HERPUD2: variants seen among roughly 807,000 people sequenced by gnomAD.
HERPUD2 encodes HERPUD family member 2.
Under a neutral mutation model 49.9 loss-of-function variants are expected in HERPUD2, and 13 were observed. The observed-to-expected ratio is 0.26, with a 90% CI of 0.17 to 0.41. The LOEUF (loss-of-function observed/expected upper bound fraction) is 0.41, where lower values mean the gene tolerates loss of function less well. HERPUD2 is among the 10% of genes least tolerant of loss of function. HERPUD2 has a pLI of 1.00. For synonymous variants in HERPUD2, 172 were observed against 171.4 expected, an observed-to-expected ratio of 1.00 and a Z score of -0.03; for missense variants, 449 against 492.2, an observed-to-expected ratio of 0.91 and a Z score of 0.83.
chr7:35,654,931 T>G (rs1047706516), intron 5 of HERPUD2, among the ~76,000 whole-genome samples: 8 of 152,304 alleles, frequency 5.3e-5, no homozygotes, highest in African/African-American at 1.9e-4. Flanking sequence ...CTCAGCTCAC[T>G]GCAACATCCA....
At chr7:35,672,445 ATTT>A (rs886564507) in intron 3 of HERPUD2, among the ~76,000 whole-genome samples, 2 of 152,010 alleles carry the variant, frequency 1.3e-5, no homozygotes, top group Non-Finnish European at 2.9e-5. Context: ...ATACTAATAT[ATTT>A]TTTTAAAGTT....
At chr7:35,634,650 CTATGTTAGT>C (rs1372519834) in intron 7 of HERPUD2, among the ~76,000 whole-genome samples, 2 of 152,122 alleles carry the variant, frequency 1.3e-5, no homozygotes, top group East Asian at 3.8e-4. Context: ...TCCACTGGCT[CTATGTTAGT>C]TATTAAAACA....
At chr7:35,650,131 C>G (rs1465742096) in intron 5 of HERPUD2, among the ~76,000 whole-genome samples, 2 of 152,080 alleles carry the variant, frequency 1.3e-5, no homozygotes, top group African/African-American at 4.8e-5. Context: ...TGATACTCAC[C>G]TCCTCCACAA....
intron 5 of HERPUD2, among the ~76,000 whole-genome samples, chr7:35,644,697 G>A (rs1256237404): frequency 6.6e-6 from 1 of 152,140 alleles, no homozygotes; most frequent in African/African-American, 2.4e-5. Flanking sequence ...AACCCAGGAG[G>A]CAGAGGTTCC....
intron 2 of HERPUD2, among the ~76,000 whole-genome samples, chr7:35,691,454 G>C (rs191239452): frequency 1.3e-5 from 2 of 152,130 alleles, no homozygotes; most frequent in African/African-American, 4.8e-5. Flanking sequence ...CTGCCCACAG[G>C]AACAAAGTCC....
intron 5 of HERPUD2, among the ~76,000 whole-genome samples, chr7:35,644,908 T>C (rs1214548177): frequency 2.6e-5 from 4 of 152,188 alleles, no homozygotes; most frequent in Non-Finnish European, 5.9e-5. Context: ...ATATTGAAGA[T>C]TTTTAAATTT....
In HERPUD2 at chr7:35,673,220, A is replaced by C; in HGVS notation, c.206T>G (p.Leu69Arg). The change falls in exon 3 of 9, where the codon CTG becomes CGG. Residue 69 changes from leucine (L) to arginine (R), a missense_variant. By Grantham distance (102) the Leu-to-Arg change is moderately radical (BLOSUM62 -2). Coordinates refer to ENST00000311350, the MANE Select transcript of HERPUD2 (RefSeq NM_022373.5). ...SGRLLPDHLQ[L>R]KDILRKQDEY... ...GCTTACTTTTCTGAGAATGTCTTTCAGCTGCAGATGATCGGGAAGCAGTCT... is the reference window on the plus strand; with the variant it reads ...GCTTACTTTTCTGAGAATGTCTTTCCGCTGCAGATGATCGGGAAGCAGTCT... 6.2e-7 allele frequency: 1 copy of C among 1,611,854 alleles called. No individual in the cohort carries two copies. The highest frequency in any genetic ancestry group is 1.1e-5 in the South Asian group (1 of 90,890).
intron 3 of HERPUD2, among the ~76,000 whole-genome samples, chr7:35,671,889 G>A (rs1388496767): frequency 1.3e-5 from 2 of 151,802 alleles, no homozygotes; most frequent in African/African-American, 4.8e-5. Flanking sequence ...TCAAAGAGCA[G>A]ATGGCAGAAA....
chr7:35,634,196 T>C (rs1160909864), intron 8 of HERPUD2, 116 bp downstream of exon 8: 1 of 691,798 alleles, frequency 1.4e-6, no homozygotes, highest in East Asian at 2.5e-5. Flanking sequence ...TAGTTTTCTT[T>C]CATGTGCCAT....
intron 2 of HERPUD2, among the ~76,000 whole-genome samples, chr7:35,689,431 C>A (rs554931385): frequency 6.6e-6 from 1 of 152,184 alleles, no homozygotes; most frequent in South Asian, 2.1e-4. Flanking sequence ...TTTAAATCAA[C>A]AATTCCAAAA....
At chr7:35,689,771 A>C (rs1426733022) in intron 2 of HERPUD2, among the ~76,000 whole-genome samples, 1 of 152,196 alleles carries the variant, frequency 6.6e-6, no homozygotes, top group Non-Finnish European at 1.5e-5. Flanking sequence ...AAGACAGAGG[A>C]AATCTGCCCA....
chr7:35,643,383 C>A (rs1302107850), intron 5 of HERPUD2, among the ~76,000 whole-genome samples: 1 of 152,056 alleles, frequency 6.6e-6, no homozygotes, highest in Non-Finnish European at 1.5e-5. Flanking sequence ...GCAAAGATTG[C>A]AAATAACTCA....
chr7:35,693,555 C>CT (rs950369084), intron 2 of HERPUD2, among the ~76,000 whole-genome samples: 376 of 144,510 alleles, frequency 2.6e-3, no homozygotes, highest in East Asian at 6.8e-3. Context: ...AGTGCTTTAT[C>CT]TTTTTTTTTT....
At chr7:35,685,897 G>A (rs939705865) in intron 2 of HERPUD2, among the ~76,000 whole-genome samples, 2 of 151,914 alleles carry the variant, frequency 1.3e-5, no homozygotes, top group Non-Finnish European at 2.9e-5. Context: ...GGAGGCGGAG[G>A]TTGCGGTGAG....
intron 2 of HERPUD2, among the ~76,000 whole-genome samples, chr7:35,676,407 A>G (rs1366145684): frequency 6.6e-6 from 1 of 152,186 alleles, no homozygotes; most frequent in African/African-American, 2.4e-5. Flanking sequence ...ATTTTTGACC[A>G]GTAGGAGTCC....
intron 2 of HERPUD2, among the ~76,000 whole-genome samples, chr7:35,684,759 G>T (rs1332574783): frequency 2.6e-5 from 4 of 152,152 alleles, no homozygotes; most frequent in East Asian, 1.9e-4. Flanking sequence ...GGGTGAGAAG[G>T]GGGTGAGGGA....
At chr7:35,661,443 G>T (rs2115925236) in intron 5 of HERPUD2, among the ~76,000 whole-genome samples, 1 of 152,276 alleles carries the variant, frequency 6.6e-6, no homozygotes, top group East Asian at 1.9e-4. Flanking sequence ...GGATGGCATT[G>T]AATCTATGAA....
intron 5 of HERPUD2, among the ~76,000 whole-genome samples, chr7:35,664,281 C>CT (rs1785491617): frequency 6.6e-6 from 1 of 152,180 alleles, no homozygotes; most frequent in African/African-American, 2.4e-5. Context: ...ATGGGTTTCC[C>CT]TTTGTGGGTA....
At position 35,667,502 on chromosome 7, in the gene HERPUD2, C is replaced by T; in HGVS notation, c.426G>A (p.Arg142=). The part of the protein sequence containing the change: ...LAVGSSSEGL[R]QRTLPQAQTD... ...TTTGTGCTTGTGGAAGGGTACGCTGCCTCAATCCTTCTGAGGAAGAACCCA... is the reference window on the plus strand; with the variant it reads ...TTTGTGCTTGTGGAAGGGTACGCTGTCTCAATCCTTCTGAGGAAGAACCCA... The change falls in exon 5 of 9, where the codon AGG becomes AGA. Residue 142 remains arginine (R), a synonymous_variant. Coordinates refer to ENST00000311350, the MANE Select transcript of HERPUD2 (RefSeq NM_022373.5). 6.2e-7 allele frequency: 1 copy of T among 1,613,910 alleles called. No individual in the cohort carries two copies. The highest frequency in any genetic ancestry group is 8.5e-7 in the Non-Finnish European group (1 of 1,179,882).
Sources: allele counts gnomAD v4.1 joint callset (sites outside exome capture counted in the v4.1 genomes callset), GRCh38; gene constraint gnomAD v4.1.1; transcripts MANE v1.5; gene names NCBI Gene and HGNC (gene_info 2026-07-23, HGNC 2026-07-21).